The following UBE2R2 variants were observed in gnomAD, a reference collection of about 807,000 sequenced individuals.
UBE2R2 encodes the protein ubiquitin conjugating enzyme E2 R2, also known as ubiquitin-conjugating enzyme E2 R2.
Under a neutral mutation model 27.8 loss-of-function variants are expected in UBE2R2, and 1 was observed. The ratio of observed to expected loss-of-function variants is 0.04; its 90% CI spans 0.01 to 0.17. UBE2R2 has a LOEUF of 0.17. UBE2R2 is among the 10% of genes least tolerant of loss of function. The pLI is 1.00. For synonymous variants in UBE2R2, 106 were observed against 113.3 expected, an observed-to-expected ratio of 0.94 and a Z score of 0.41; for missense variants, 100 against 291.0, an observed-to-expected ratio of 0.34 and a Z score of 4.78.
chr9:33,847,691 T>G (rs578129673), intron 1 of UBE2R2, among the ~76,000 whole-genome samples: 1 of 152,126 alleles, frequency 6.6e-6, no homozygotes, highest in African/African-American at 2.4e-5. Flanking sequence ...TCTCCAACAC[T>G]GTGTTCTGTC....
At position 33,832,172 on chromosome 9, in the gene UBE2R2, G is replaced by T. The variant is rs75155138; in HGVS notation, c.177+14238G>T. Among the ~76,000 whole-genome samples the T allele has an allele frequency of 1.5e-3, 225 of 151,574 alleles. 1 individual carries two copies. In the East Asian group the frequency reaches 0.036, roughly 25 times the overall value. ...AAAAATACAAAATTAGGCAGGCGTG[G>T]TGGTGCGTGCCTGTAATCCCAGCTA... On this transcript the variant is annotated intron_variant, in intron 1 of 4. Transcript: ENST00000263228.
At chr9:33,872,463 TAATTTTTTTA>T (rs1821506400) in intron 1 of UBE2R2, among the ~76,000 whole-genome samples, 1 of 152,108 alleles carries the variant, frequency 6.6e-6, no homozygotes, top group Admixed American at 6.6e-5. Flanking sequence ...TTACAGATGA[TAATTTTTTTA>T]AATGGTAAAC....
chr9:33,886,883 G>A lies in UBE2R2; in HGVS notation c.180G>A (p.Ala60=), dbSNP rs767478191. 15 of 1,575,602 alleles carry A rather than the reference G, an allele frequency of 9.5e-6. No individual in the cohort carries two copies. Among genetic ancestry groups the A allele is most frequent in the African/African-American group, 2.8e-5 (2 of 71,896 alleles). ...NTLYEGGYFK[A]HIKFPIDYPY... is the part of the protein sequence containing the mutation. ...CATTTCATTTTTTTTCTTTTCAGGC[G>A]CATATTAAATTTCCTATTGACTACC... Residue 60 remains alanine (A), a splice_region_variant and synonymous_variant, in exon 2 of 5, where the codon GCG becomes GCA. Coordinates refer to ENST00000263228, the MANE Select transcript of UBE2R2 (RefSeq NM_017811.4).
intron 1 of UBE2R2, among the ~76,000 whole-genome samples, chr9:33,858,621 T>C (rs2130763619): frequency 6.6e-6 from 1 of 152,014 alleles, no homozygotes; most frequent in Non-Finnish European, 1.5e-5. Flanking sequence ...AGGCTGGTCT[T>C]GAACTCCTGA....
chr9:33,845,381 T>G (rs968922961), intron 1 of UBE2R2, among the ~76,000 whole-genome samples: 9 of 151,428 alleles, frequency 5.9e-5, no homozygotes, highest in African/African-American at 1.5e-4. Context: ...CGAGTAGCTG[T>G]GACTACAGGC....
intron 1 of UBE2R2, among the ~76,000 whole-genome samples, chr9:33,850,116 T>A (rs1343702977): frequency 6.6e-6 from 1 of 151,798 alleles, no homozygotes; most frequent in Non-Finnish European, 1.5e-5. Context: ...TGGGCTGGAG[T>A]CTGTGACAGA....
intron 2 of UBE2R2, among the ~76,000 whole-genome samples, chr9:33,893,066 G>A (rs1362004324): frequency 6.6e-6 from 1 of 151,798 alleles, no homozygotes; most frequent in East Asian, 1.9e-4. Context: ...GAGCAAGACT[G>A]TATCCTTCAT....
chr9:33,867,390 T>C (rs1353610660), intron 1 of UBE2R2, among the ~76,000 whole-genome samples: 1 of 152,172 alleles, frequency 6.6e-6, no homozygotes, highest in African/African-American at 2.4e-5. Flanking sequence ...TATATTCCTA[T>C]TTATGAACAT....
chr9:33,880,601 T>C (rs192863394), intron 1 of UBE2R2, among the ~76,000 whole-genome samples: 3 of 152,338 alleles, frequency 2.0e-5, no homozygotes, highest in African/African-American at 7.2e-5. Context: ...TATGCTGCTG[T>C]TGTTCAGTGG....
chr9:33,857,670 A>G (rs1287724519), intron 1 of UBE2R2, among the ~76,000 whole-genome samples: 1 of 152,220 alleles, frequency 6.6e-6, no homozygotes, highest in African/African-American at 2.4e-5. Flanking sequence ...TATACTTGAA[A>G]GTCATATTTA....
intron 4 of UBE2R2, among the ~76,000 whole-genome samples, chr9:33,914,336 T>C (rs1822581502): frequency 6.6e-6 from 1 of 152,110 alleles, no homozygotes; most frequent in Admixed American, 6.5e-5. Context: ...AATACAGGAG[T>C]ATAACAGCAT....
At chr9:33,826,866 T>G (rs1436756372) in intron 1 of UBE2R2, among the ~76,000 whole-genome samples, 1 of 152,184 alleles carries the variant, frequency 6.6e-6, no homozygotes, top group African/African-American at 2.4e-5. Context: ...GCAGATCACC[T>G]GAGCTCGGAA....
intron 1 of UBE2R2, among the ~76,000 whole-genome samples, chr9:33,833,777 C>T (rs1251066115): frequency 6.6e-6 from 1 of 152,196 alleles, no homozygotes; most frequent in Non-Finnish European, 1.5e-5. Flanking sequence ...AACTTTGAAG[C>T]TGTTAAATAG....
At chr9:33,908,760 A>G (rs1469869024) in intron 3 of UBE2R2, among the ~76,000 whole-genome samples, 1 of 152,226 alleles carries the variant, frequency 6.6e-6, no homozygotes, top group East Asian at 1.9e-4. Context: ...TCTTAATTCA[A>G]GTAATAGGAT....
At chr9:33,879,750 C>CT (rs66929161) in intron 1 of UBE2R2, among the ~76,000 whole-genome samples, 1,649 of 67,284 alleles carry the variant, frequency 0.025, 52 homozygotes, top group African/African-American at 0.067. Context: ...GGTCACAAGA[C>CT]TTTTTTTTTT....
chr9:33,871,818 C>T (rs1185276091), intron 1 of UBE2R2, among the ~76,000 whole-genome samples: 3 of 152,208 alleles, frequency 2.0e-5, no homozygotes, highest in African/African-American at 7.2e-5. Flanking sequence ...TCGAGCAATT[C>T]TCCAGCCTCA....
chr9:33,844,439 G>A (rs1219593304), intron 1 of UBE2R2, among the ~76,000 whole-genome samples: 1 of 151,076 alleles, frequency 6.6e-6, no homozygotes, highest in African/African-American at 2.4e-5. Context: ...CCTGACTTCA[G>A]ATGATCCGCC....
chr9:33,835,674 G>A (rs1435247647), intron 1 of UBE2R2, among the ~76,000 whole-genome samples: 2 of 151,616 alleles, frequency 1.3e-5, no homozygotes, highest in Non-Finnish European at 2.9e-5. Flanking sequence ...TTGAGCCCAC[G>A]AGTTCAAGAC....
intron 1 of UBE2R2, among the ~76,000 whole-genome samples, chr9:33,821,618 A>T (rs922449020): frequency 1.3e-5 from 2 of 152,196 alleles, no homozygotes; most frequent in Non-Finnish European, 2.9e-5. Flanking sequence ...TAACAAAAAA[A>T]AATTTTTTTT....
Sources: allele counts gnomAD v4.1 joint callset (sites outside exome capture counted in the v4.1 genomes callset), GRCh38; gene constraint gnomAD v4.1.1; transcripts MANE v1.5; gene names NCBI Gene and HGNC (gene_info 2026-07-23, HGNC 2026-07-21).